The following SGMS1 variants were observed in gnomAD, a reference collection of about 807,000 sequenced individuals.
The protein encoded by SGMS1 is phosphatidylcholine:ceramide cholinephosphotransferase 1.
SGMS1 carries 13 observed loss-of-function variants against 46.2 expected under a neutral mutation model. The ratio of observed to expected loss-of-function variants is 0.28; its 90% CI spans 0.18 to 0.45. The LOEUF (loss-of-function observed/expected upper bound fraction) is 0.45, where lower values mean the gene tolerates loss of function less well. Among genes scored for constraint, SGMS1 ranks in the 20% least tolerant of loss-of-function variants. The pLI is 1.00. For missense variants in SGMS1, 324 were observed against 519.9 expected (o/e 0.62, Z 3.66); for synonymous variants, 203 against 187.8 (o/e 1.08, Z -0.66).
intron 3 of SGMS1, among the ~76,000 whole-genome samples, chr10:50,470,555 C>A (rs12260642): frequency 1.3e-5 from 2 of 151,804 alleles, no homozygotes; most frequent in African/African-American, 4.8e-5. Flanking sequence ...CTGCAGTCAC[C>A]CTCAAAGCTT....
chr10:50,493,274 T>C lies in SGMS1; in HGVS notation c.-497-26342A>G, dbSNP rs183994253. ...TAACTGGCTAGCCATATGCAGAAGA[T>C]TGAAACCGGACCCCTTCCTTACGCC... On this transcript the variant is annotated intron_variant, in intron 3 of 10. Transcript: ENST00000361781. Among the ~76,000 whole-genome samples the C allele has an allele frequency of 7.1e-3, 1,084 of 152,246 alleles. 18 individuals are homozygous for C. Among genetic ancestry groups the C allele is most frequent in the African/African-American group, 0.025 (1,019 of 41,532 alleles).
intron 1 of SGMS1, among the ~76,000 whole-genome samples, chr10:50,614,118 T>C (rs1275962070): frequency 6.6e-6 from 1 of 152,032 alleles, no homozygotes; most frequent in Admixed American, 6.6e-5. Context: ...TTTCTTTTTT[T>C]TTTTTTGCCA....
At chr10:50,369,247 C>G (rs1179775599) in intron 6 of SGMS1, among the ~76,000 whole-genome samples, 1 of 152,218 alleles carries the variant, frequency 6.6e-6, no homozygotes, top group African/African-American at 2.4e-5. Flanking sequence ...TCTGTAATCT[C>G]AACACTTTGG....
chr10:50,574,633 G>A (rs931507687), intron 2 of SGMS1, among the ~76,000 whole-genome samples: 7 of 151,968 alleles, frequency 4.6e-5, no homozygotes, highest in African/African-American at 1.7e-4. Flanking sequence ...CCCACTTGTG[G>A]GTATATATCC....
intron 3 of SGMS1, among the ~76,000 whole-genome samples, chr10:50,505,574 C>A (rs1258356369): frequency 6.6e-6 from 1 of 152,092 alleles, no homozygotes; most frequent in Non-Finnish European, 1.5e-5. Flanking sequence ...AAACTATAAC[C>A]AAAGGCAAAC....
At chr10:50,611,751 C>T (rs1005556616) in intron 1 of SGMS1, among the ~76,000 whole-genome samples, 4 of 152,216 alleles carry the variant, frequency 2.6e-5, no homozygotes, top group Admixed American at 1.3e-4. Flanking sequence ...TCATCCTCCA[C>T]CTGCCTGTGC....
At position 50,307,993 on chromosome 10, in the gene SGMS1, C is replaced by T. The variant is rs1847200510; in HGVS notation, c.1051G>A (p.Ala351Thr). The change falls in exon 10 of 11, where the codon GCC (alanine) becomes ACC (threonine). Residue 351 changes from alanine (A) to threonine (T), a missense_variant. Ala to Thr is a moderately conservative substitution (Grantham distance 58). Around this residue, in one of 2 missense-constraint regions of SGMS1, gnomAD observed 174 missense variants for 350.1 expected, o/e 0.50. Transcript: ENST00000361781. This position sits in a 1 kb window ranked among gnomAD's most constrained non-coding sequence, Gnocchi z 4.2. ...GCGGGGAAACTCACTTGCTGATTGG[C>T]CATAGTGTGATACCACCAGAAGAGT... Reference protein sequence around the residue: ...TRLFWWYHTMANQQVLKEASQ... With the variant: ...TRLFWWYHTMTNQQVLKEASQ... 6.2e-7 allele frequency: 1 copy of T among 1,613,594 alleles called. No homozygotes were observed. Among genetic ancestry groups the T allele is most frequent in the Non-Finnish European group, 8.5e-7 (1 of 1,179,862 alleles).
At chr10:50,587,259 A>G (rs1482476871) in intron 2 of SGMS1, among the ~76,000 whole-genome samples, 1 of 152,206 alleles carries the variant, frequency 6.6e-6, no homozygotes, top group African/African-American at 2.4e-5. Flanking sequence ...ACACTTTGAA[A>G]AAGCTCACAG....
intron 1 of SGMS1, among the ~76,000 whole-genome samples, chr10:50,610,103 T>C (rs969147150): frequency 1.3e-5 from 2 of 152,154 alleles, no homozygotes; most frequent in African/African-American, 4.8e-5. Context: ...TTGCTTCCAC[T>C]AAGTCAAATG....
chr10:50,590,200 T>A lies in SGMS1; in HGVS notation c.-636A>T. The A allele has an allele frequency of 6.6e-6, 1 of 152,334 alleles. No homozygotes were observed. The highest frequency in any genetic ancestry group is 1.9e-4 in the East Asian group (1 of 5,342). The allele number at this position is 152,334 out of a possible 1,614,324, so 9.4% of individuals were successfully genotyped here. ...TTTCTCCTGATCAAAAATGAATGAC[T>A]AAATATGCCCACGGGCCCATTCAGG... On this transcript the variant is annotated 5_prime_UTR_variant, in exon 2 of 11. Transcript: ENST00000361781.
chr10:50,581,734 T>C (rs1394462210), intron 2 of SGMS1, among the ~76,000 whole-genome samples: 1 of 152,194 alleles, frequency 6.6e-6, no homozygotes, highest in East Asian at 1.9e-4. Context: ...TAGGTGTTGT[T>C]CTTTGGAATA....
chr10:50,393,017 A>G (rs1008176531), intron 6 of SGMS1, among the ~76,000 whole-genome samples: 7 of 152,142 alleles, frequency 4.6e-5, no homozygotes, highest in African/African-American at 1.7e-4. Flanking sequence ...ATGAACCAAA[A>G]AATTTATGTT....
intron 2 of SGMS1, among the ~76,000 whole-genome samples, chr10:50,537,790 G>T (rs1024685381): frequency 6.6e-6 from 1 of 152,106 alleles, no homozygotes; most frequent in Non-Finnish European, 1.5e-5. Flanking sequence ...TGTCTACATT[G>T]TACCGTCAGG....
intron 2 of SGMS1, among the ~76,000 whole-genome samples, chr10:50,530,596 C>G (rs761828894): frequency 2.0e-5 from 3 of 152,036 alleles, no homozygotes; most frequent in African/African-American, 7.2e-5. Flanking sequence ...GCGATCCTCC[C>G]GCCTCAGCCT....
chr10:50,548,374 T>C (rs939974467), intron 2 of SGMS1, among the ~76,000 whole-genome samples: 3 of 151,994 alleles, frequency 2.0e-5, no homozygotes, highest in Non-Finnish European at 2.9e-5. Context: ...CATAAACTAA[T>C]AGAACAGAAT....
intron 6 of SGMS1, among the ~76,000 whole-genome samples, chr10:50,391,371 AT>A (rs796128081): frequency 2.6e-5 from 4 of 152,202 alleles, no homozygotes; most frequent in African/African-American, 9.6e-5. Context: ...TAAAAGCTGA[AT>A]TTTTTTTAAA....
At chr10:50,423,034 A>G (rs1485086068) in intron 6 of SGMS1, among the ~76,000 whole-genome samples, 1 of 152,236 alleles carries the variant, frequency 6.6e-6, no homozygotes, top group Non-Finnish European at 1.5e-5. Flanking sequence ...CTGACTTTCT[A>G]AATAACTACT....
At chr10:50,616,018 G>GTGT (rs1838793354) in intron 1 of SGMS1, among the ~76,000 whole-genome samples, 1 of 152,232 alleles carries the variant, frequency 6.6e-6, no homozygotes, top group East Asian at 1.9e-4. Context: ...GTCTTAGAGA[G>GTGT]TGTTACACAT....
At chr10:50,341,139 G>A (rs560525369) in intron 7 of SGMS1, 12 of 330,986 alleles carry the variant, frequency 3.6e-5, no homozygotes, top group African/African-American at 2.4e-4. Context: ...CAAAATGCCA[G>A]ATAAACAAAA....
Sources: gnomAD v4.1 joint callset for allele counts (sites outside exome capture counted in the v4.1 genomes callset) on GRCh38, gnomAD v4.1.1 for gene constraint, gnomAD v4.1.1 regional missense constraint, Gnocchi (gnomAD v3.1) non-coding constraint, MANE v1.5 for transcripts, NCBI Gene and HGNC (gene_info 2026-07-23, HGNC 2026-07-21) for gene names.